Variants in PRKG1 observed in about 807,000 individuals in gnomAD.
The protein encoded by PRKG1 is cGMP-dependent protein kinase 1.
In PRKG1, 35 loss-of-function variants were observed where a neutral mutation model predicts 88.1. The observed-to-expected ratio is 0.40, with a 90% CI of 0.30 to 0.53. The LOEUF is 0.53. PRKG1 is among the 20% of genes least tolerant of loss of function. The probability of loss-of-function intolerance (pLI) is 0.59; values close to 1 mark genes in which losing one functional copy is unlikely to be tolerated. For synonymous variants in PRKG1, 303 were observed against 292.5 expected (o/e 1.04, Z -0.37); for missense variants, 540 against 839.8 (o/e 0.64, Z 4.41).
intron 2 of PRKG1, among the ~76,000 whole-genome samples, chr10:51,311,406 TTAGATG>T: frequency 6.6e-6 from 1 of 152,218 alleles, no homozygotes; most frequent in Non-Finnish European, 1.5e-5. Flanking sequence ...CTGCTGGCAC[TTAGATG>T]GTGTGTTCAG....
At chr10:51,314,265 G>A (rs1435295537) in intron 2 of PRKG1, among the ~76,000 whole-genome samples, 1 of 152,096 alleles carries the variant, frequency 6.6e-6, no homozygotes, top group Admixed American at 6.6e-5. Context: ...ACATCCCTCA[G>A]AGATGCTGAG....
intron 3 of PRKG1, among the ~76,000 whole-genome samples, chr10:51,706,405 G>A (rs1841604939): frequency 6.6e-6 from 1 of 152,168 alleles, no homozygotes; most frequent in Non-Finnish European, 1.5e-5. Context: ...CACTGTTATT[G>A]GCAAGTGCAG....
intron 2 of PRKG1, among the ~76,000 whole-genome samples, chr10:51,205,341 C>G (rs576888864): frequency 2.7e-5 from 4 of 149,904 alleles, no homozygotes; most frequent in Non-Finnish European, 5.9e-5. Flanking sequence ...TTCACCATCT[C>G]GGCCAGGCTG....
At chr10:51,124,142 G>A (rs1028600868) in intron 1 of PRKG1, among the ~76,000 whole-genome samples, 4 of 151,984 alleles carry the variant, frequency 2.6e-5, no homozygotes, top group African/African-American at 9.7e-5. Flanking sequence ...ATATGATCTG[G>A]GGGTCAATCT....
intron 4 of PRKG1, among the ~76,000 whole-genome samples, chr10:51,808,780 T>C (rs1201012316): frequency 6.6e-6 from 1 of 152,166 alleles, no homozygotes; most frequent in Non-Finnish European, 1.5e-5. Flanking sequence ...ACTTTATACT[T>C]TGTAAATGAC....
intron 9 of PRKG1, among the ~76,000 whole-genome samples, chr10:52,246,425 C>A (rs1388607127): frequency 6.6e-6 from 1 of 152,032 alleles, no homozygotes; most frequent in Non-Finnish European, 1.5e-5. Flanking sequence ...TGTTTCTAAA[C>A]CATGCATATG....
At chr10:51,426,005 GT>G (rs1838570825) in intron 2 of PRKG1, among the ~76,000 whole-genome samples, 1 of 152,200 alleles carries the variant, frequency 6.6e-6, no homozygotes, top group Admixed American at 6.5e-5. Flanking sequence ...GCTAGGAGCG[GT>G]GGCTCATGCC....
chr10:51,391,452 G>A (rs553939855), intron 2 of PRKG1, among the ~76,000 whole-genome samples: 1 of 152,260 alleles, frequency 6.6e-6, no homozygotes, highest in Non-Finnish European at 1.5e-5. Flanking sequence ...TTGCACCTGT[G>A]CTAGTCAATG....
In PRKG1 at chr10:51,570,598, G is replaced by A. The variant is rs73341619; in HGVS notation, c.592+102762G>A. Among the ~76,000 whole-genome samples, 793 of 151,784 alleles carry A rather than the reference G, an allele frequency of 5.2e-3. 8 individuals are homozygous for A. The highest frequency in any genetic ancestry group is 0.018 in the African/African-American group (755 of 41,430). On this transcript the variant is annotated intron_variant, in intron 3 of 17. Coordinates refer to ENST00000373980, the MANE Select transcript of PRKG1 (RefSeq NM_006258.4). ...TCAAAGGTTAACTTTATACATATGGGTGTGTGTTTTCTAATTGCTGATGGA... is the reference window on the plus strand; with the variant it reads ...TCAAAGGTTAACTTTATACATATGGATGTGTGTTTTCTAATTGCTGATGGA...
At chr10:52,240,738 G>A (rs1008137340) in intron 9 of PRKG1, among the ~76,000 whole-genome samples, 12 of 152,068 alleles carry the variant, frequency 7.9e-5, no homozygotes, top group Non-Finnish European at 1.0e-4. Flanking sequence ...TTTCTGCTTA[G>A]TAATTTCTAT....
chr10:51,497,619 T>C (rs1392775078), intron 3 of PRKG1, among the ~76,000 whole-genome samples: 1 of 152,228 alleles, frequency 6.6e-6, no homozygotes, highest in African/African-American at 2.4e-5. Flanking sequence ...TGGATGTGTC[T>C]GTGTTGATAT....
At chr10:51,530,770 G>T (rs902055027) in intron 3 of PRKG1, among the ~76,000 whole-genome samples, 1 of 152,056 alleles carries the variant, frequency 6.6e-6, no homozygotes, top group African/African-American at 2.4e-5. Flanking sequence ...TCTCACACAC[G>T]ACCTTCCACC....
chr10:51,759,159 A>G (rs1373977207), intron 3 of PRKG1, among the ~76,000 whole-genome samples: 1 of 152,130 alleles, frequency 6.6e-6, no homozygotes, highest in Non-Finnish European at 1.5e-5. Flanking sequence ...ATAAACATAC[A>G]TGTGCATGTA....
intron 1 of PRKG1, among the ~76,000 whole-genome samples, chr10:51,016,694 GA>G: frequency 1.7e-4 from 1 of 6,042 alleles, no homozygotes; most frequent in African/African-American, 8.2e-4. Flanking sequence ...TTTTTTTTTG[GA>G]ATCTTGCTCT....
intron 1 of PRKG1, chr10:51,068,376 T>C (rs1415304725): frequency 6.6e-6 from 1 of 152,050 alleles, no homozygotes; most frequent in Non-Finnish European, 1.5e-5. Context: ...TAAATAAATT[T>C]CTTGACATCT....
At chr10:52,057,906 GAT>G (rs1846147618) in intron 6 of PRKG1, among the ~76,000 whole-genome samples, 1 of 151,724 alleles carries the variant, frequency 6.6e-6, no homozygotes, top group South Asian at 2.1e-4. Context: ...TCAAGAACAA[GAT>G]AAAGATATAC....
At chr10:52,266,133 A>T (rs1217225540) in intron 10 of PRKG1, among the ~76,000 whole-genome samples, 2 of 151,920 alleles carry the variant, frequency 1.3e-5, no homozygotes, top group Non-Finnish European at 2.9e-5. Flanking sequence ...TACCCCTATT[A>T]TTGACAACTT....
intron 2 of PRKG1, among the ~76,000 whole-genome samples, chr10:51,449,640 A>T (rs1281581263): frequency 5.0e-5 from 1 of 20,106 alleles, no homozygotes; most frequent in Non-Finnish European, 1.2e-4. Flanking sequence ...ACCACTCTGC[A>T]CTAACACCGG....
intron 3 of PRKG1, among the ~76,000 whole-genome samples, chr10:51,693,368 A>G (rs1013602948): frequency 3.4e-5 from 5 of 148,182 alleles, no homozygotes; most frequent in Non-Finnish European, 7.4e-5. Flanking sequence ...CAGGTTTGTT[A>G]TTTTTAATGA....
Sources: gnomAD v4.1 joint callset for allele counts (sites outside exome capture counted in the v4.1 genomes callset) on GRCh38, gnomAD v4.1.1 for gene constraint, MANE v1.5 for transcripts, NCBI Gene and HGNC (gene_info 2026-07-23, HGNC 2026-07-21) for gene names.